The following HS6ST3 variants were observed in gnomAD, a reference collection of about 807,000 sequenced individuals.
HS6ST3 encodes heparan sulfate 6-O-sulfotransferase 3.
A neutral mutation model predicts 36.7 loss-of-function variants in HS6ST3; 12 were observed. The observed-to-expected ratio is 0.33, with a 90% confidence interval of 0.21 to 0.53. The LOEUF is 0.53. Ranked by LOEUF, HS6ST3 falls within the 20% of genes least tolerant of loss-of-function variation. HS6ST3 has a pLI of 0.95. For missense variants in HS6ST3, 584 were observed against 640.9 expected (o/e 0.91, Z 0.96); for synonymous variants, 240 against 257.5 (o/e 0.93, Z 0.65).
intron 1 of HS6ST3, among the ~76,000 whole-genome samples, chr13:96,587,399 G>A (rs2056365919): frequency 6.6e-6 from 1 of 151,892 alleles, no homozygotes; most frequent in African/African-American, 2.4e-5. Flanking sequence ...GAGTGTTTTA[G>A]TCCATTTTGT....
chr13:96,654,480 G>T (rs555896289), intron 1 of HS6ST3, among the ~76,000 whole-genome samples: 1 of 152,234 alleles, frequency 6.6e-6, no homozygotes, highest in East Asian at 1.9e-4. Context: ...TTTCCCCATT[G>T]CTTGTTTTTG....
intron 1 of HS6ST3, among the ~76,000 whole-genome samples, chr13:96,797,197 T>C (rs1257325487): frequency 6.6e-6 from 1 of 152,062 alleles, no homozygotes; most frequent in Non-Finnish European, 1.5e-5. Flanking sequence ...TAGGCTGCAC[T>C]TTTAATGGAA....
chr13:96,163,222 ATTTTTTTTTTTTTTTT>A (rs147731415), intron 1 of HS6ST3, among the ~76,000 whole-genome samples: 1 of 79,058 alleles, frequency 1.3e-5, no homozygotes, highest in African/African-American at 5.8e-5. Context: ...TCTGAGATAC[ATTTTTTTTTTTTTTTT>A]TTTTTTTTTG....
intron 1 of HS6ST3, among the ~76,000 whole-genome samples, chr13:96,229,233 G>A (rs1462494641): frequency 1.3e-5 from 2 of 152,180 alleles, no homozygotes. Context: ...TTTGGTGCTA[G>A]ACAGCACTTG....
intron 1 of HS6ST3, among the ~76,000 whole-genome samples, chr13:96,152,520 G>A (rs1049081204): frequency 5.3e-5 from 8 of 151,938 alleles, no homozygotes; most frequent in Middle Eastern, 3.2e-3. Flanking sequence ...TGTACTTTTA[G>A]TAGAGTCGGG....
At chr13:96,722,988 C>T (rs906786393) in intron 1 of HS6ST3, among the ~76,000 whole-genome samples, 35 of 143,668 alleles carry the variant, frequency 2.4e-4, no homozygotes, top group African/African-American at 6.6e-4. Context: ...AAAAAATATA[C>T]GTGTGTGTGT....
chr13:96,473,238 A>G (rs2055847897), intron 1 of HS6ST3, among the ~76,000 whole-genome samples: 1 of 152,218 alleles, frequency 6.6e-6, no homozygotes, highest in African/African-American at 2.4e-5. Context: ...TAATAAGGAA[A>G]TGGAGACTTA....
intron 1 of HS6ST3, among the ~76,000 whole-genome samples, chr13:96,302,488 A>G (rs1397446161): frequency 6.6e-6 from 1 of 152,180 alleles, no homozygotes; most frequent in Non-Finnish European, 1.5e-5. Flanking sequence ...ATAACTCTTT[A>G]TCTATTGTTG....
intron 1 of HS6ST3, among the ~76,000 whole-genome samples, chr13:96,400,440 G>A (rs1037449654): frequency 6.6e-6 from 1 of 152,072 alleles, no homozygotes; most frequent in African/African-American, 2.4e-5. Flanking sequence ...AAAGTGTCCT[G>A]ATAGGTATTA....
chr13:96,168,793 C>A (rs921348128), intron 1 of HS6ST3, among the ~76,000 whole-genome samples: 1 of 151,880 alleles, frequency 6.6e-6, no homozygotes, highest in African/African-American at 2.4e-5. Context: ...TTATGATAGA[C>A]TCAGGGTACA....
intron 1 of HS6ST3, among the ~76,000 whole-genome samples, chr13:96,711,085 T>C (rs1875550217): frequency 6.6e-6 from 1 of 152,222 alleles, no homozygotes; most frequent in Admixed American, 6.5e-5. Flanking sequence ...GTCTTATGTG[T>C]CACCTGCCTC....
chr13:96,603,869 T>G (rs564244304), intron 1 of HS6ST3, among the ~76,000 whole-genome samples: 1 of 152,310 alleles, frequency 6.6e-6, no homozygotes, highest in East Asian at 1.9e-4. Flanking sequence ...TACCCATGTG[T>G]CTACTTGAAC....
chr13:96,241,599 A>G (rs2139372778), intron 1 of HS6ST3, among the ~76,000 whole-genome samples: 1 of 151,694 alleles, frequency 6.6e-6, no homozygotes. Flanking sequence ...TTATGGTCCC[A>G]GGAGATTCAA....
intron 1 of HS6ST3, among the ~76,000 whole-genome samples, chr13:96,706,440 T>TATATATATATATATATATATAA (rs1491180585): frequency 2.5e-4 from 34 of 137,568 alleles, no homozygotes; most frequent in South Asian, 2.3e-4. Context: ...TATATATATA[T>TATATATATATATATATATATAA]AATCAGGGAA....
intron 1 of HS6ST3, among the ~76,000 whole-genome samples, chr13:96,278,156 C>A (rs749414810): frequency 1.8e-4 from 27 of 152,252 alleles, no homozygotes; most frequent in Non-Finnish European, 3.1e-4. Flanking sequence ...AGTAGAACTG[C>A]CAGTAGGATA....
chr13:96,553,305 G>A (rs1468385994), intron 1 of HS6ST3, among the ~76,000 whole-genome samples: 3 of 152,174 alleles, frequency 2.0e-5, no homozygotes, highest in Non-Finnish European at 4.4e-5. Flanking sequence ...TCCTCTGAGG[G>A]CTCCAGTGGT....
chr13:96,584,975 C>T (rs904256918), intron 1 of HS6ST3, among the ~76,000 whole-genome samples: 1 of 152,122 alleles, frequency 6.6e-6, no homozygotes, highest in Non-Finnish European at 1.5e-5. Context: ...ATTTAGGGTA[C>T]TCTTAGCAGA....
At chr13:96,428,103 G>T (rs1397018573) in intron 1 of HS6ST3, among the ~76,000 whole-genome samples, 3 of 152,172 alleles carry the variant, frequency 2.0e-5, no homozygotes, top group Non-Finnish European at 4.4e-5. Context: ...GCCATAGAAA[G>T]TATCACAGAT....
chr13:96,754,534 A>G (rs72645521), intron 1 of HS6ST3, among the ~76,000 whole-genome samples: 18,390 of 152,214 alleles, frequency 0.12, 1,255 homozygotes, highest in African/African-American at 0.17. Context: ...TACGGGTGAC[A>G]TCCCTCTTTT....
Sources: gnomAD v4.1 joint callset for allele counts (sites outside exome capture counted in the v4.1 genomes callset) on GRCh38, gnomAD v4.1.1 for gene constraint, MANE v1.5 for transcripts, NCBI Gene and HGNC (gene_info 2026-07-23, HGNC 2026-07-21) for gene names.